The following GALNT17 variants were observed in gnomAD, a reference collection of about 807,000 sequenced individuals.
GALNT17 encodes the protein UDP-GalNAc:polypeptide N-acetylgalactosaminyltransferase-like 3.
A neutral mutation model predicts 63.7 loss-of-function variants in GALNT17; 29 were observed. That is an observed-to-expected ratio of 0.46 (90% CI 0.34 to 0.62). The LOEUF is 0.62. GALNT17 is among the 20% of genes least tolerant of loss of function. GALNT17 has a pLI of 0.01. For missense variants in GALNT17, 603 were observed against 799.6 expected, an observed-to-expected ratio of 0.75 and a Z score of 2.97; for synonymous variants, 305 against 318.3, an observed-to-expected ratio of 0.96 and a Z score of 0.45.
chr7:71,193,148 G>T (rs1221644588), intron 1 of GALNT17, among the ~76,000 whole-genome samples: 2 of 151,552 alleles, frequency 1.3e-5, no homozygotes, highest in South Asian at 2.1e-4. Flanking sequence ...GCCCAGGCTG[G>T]AGTGCAGTGG....
chr7:71,421,951 G>GGA (rs1228720984), intron 5 of GALNT17, among the ~76,000 whole-genome samples: 193 of 87,504 alleles, frequency 2.2e-3, no homozygotes, highest in African/African-American at 8.0e-3. Flanking sequence ...ACTCTGTCTC[G>GGA]AAAAAAAAAA....
chr7:71,515,056 C>T (rs1308260401), intron 5 of GALNT17, among the ~76,000 whole-genome samples: 1 of 152,228 alleles, frequency 6.6e-6, no homozygotes, highest in Non-Finnish European at 1.5e-5. Flanking sequence ...CTTTGCTCCT[C>T]CTTCACCTTT....
chr7:71,600,801 G>A (rs1182536686), intron 6 of GALNT17, among the ~76,000 whole-genome samples: 1 of 151,720 alleles, frequency 6.6e-6, no homozygotes, highest in Non-Finnish European at 1.5e-5. Flanking sequence ...GGGTACAGGT[G>A]GTGTTTGGTT....
intron 6 of GALNT17, among the ~76,000 whole-genome samples, chr7:71,596,788 C>G (rs1347555407): frequency 6.6e-6 from 1 of 151,976 alleles, no homozygotes; most frequent in African/African-American, 2.4e-5. Flanking sequence ...GGGTGGTGAT[C>G]AGGGCCCATC....
intron 2 of GALNT17, among the ~76,000 whole-genome samples, chr7:71,350,686 G>A (rs998222487): frequency 6.6e-6 from 1 of 152,032 alleles, no homozygotes; most frequent in Non-Finnish European, 1.5e-5. Context: ...TTTATACAAG[G>A]GACTTGAGCA....
intron 5 of GALNT17, among the ~76,000 whole-genome samples, chr7:71,543,046 A>AT (rs1358061945): frequency 1.3e-5 from 2 of 151,876 alleles, no homozygotes; most frequent in Non-Finnish European, 2.9e-5. Context: ...TTAAAAAAAA[A>AT]AAAAAAAGCC....
At chr7:71,520,983 C>G (rs1206329650) in intron 5 of GALNT17, among the ~76,000 whole-genome samples, 1 of 152,172 alleles carries the variant, frequency 6.6e-6, no homozygotes, top group Non-Finnish European at 1.5e-5. Context: ...AGTCTTCAGA[C>G]ACTGTCAGAA....
Position 71,292,664 on chromosome 7 carries a change from A to AGT in GALNT17, c.239-42885_239-42884insTG, listed in dbSNP as rs1219231382. ...GAGAGAGAGAGAGACAGAGAGAGAG[A>AGT]GAGAGTGTGTGTGTGTGTGTGTGTG... On this transcript the variant is annotated intron_variant, in intron 1 of 10. Transcript: ENST00000333538. Among the ~76,000 whole-genome samples the AGT allele has an allele frequency of 8.7e-4, 99 of 114,238 alleles. No individual in the cohort carries two copies. In the East Asian group the frequency reaches 0.015, roughly 17 times the overall value. 74.9% of individuals were successfully genotyped at this position (114,238 alleles called of 152,430 possible).
chr7:71,687,492 G>A (rs1041069822), intron 9 of GALNT17, among the ~76,000 whole-genome samples: 4 of 152,162 alleles, frequency 2.6e-5, no homozygotes, highest in Admixed American at 2.0e-4. Context: ...CGGAGCTCAG[G>A]CAACGCAGCC....
intron 9 of GALNT17, among the ~76,000 whole-genome samples, chr7:71,683,759 G>A (rs661406): frequency 0.21 from 31,868 of 152,040 alleles, 3,840 homozygotes; most frequent in Non-Finnish European, 0.28. Flanking sequence ...TGTAATCCCA[G>A]CACTTTGGGA....
chr7:71,504,316 AC>A (rs1396497451), intron 5 of GALNT17, among the ~76,000 whole-genome samples: 1 of 151,898 alleles, frequency 6.6e-6, no homozygotes, highest in African/African-American at 2.4e-5. Context: ...AATTGCTTGA[AC>A]CTGGGTTGCG....
intron 3 of GALNT17, among the ~76,000 whole-genome samples, chr7:71,403,575 A>G (rs1382633484): frequency 6.6e-6 from 1 of 152,186 alleles, no homozygotes; most frequent in Admixed American, 6.5e-5. Context: ...TGCATTAGTA[A>G]CTTAACGTGG....
intron 5 of GALNT17, among the ~76,000 whole-genome samples, chr7:71,463,464 A>G (rs762464353): frequency 1.2e-4 from 19 of 152,080 alleles, no homozygotes; most frequent in Non-Finnish European, 2.2e-4. Context: ...ACCTCAAGAG[A>G]GGGTTCTTGG....
intron 4 of GALNT17, among the ~76,000 whole-genome samples, chr7:71,419,335 C>T (rs1786616409): frequency 6.6e-6 from 1 of 152,136 alleles, no homozygotes; most frequent in Non-Finnish European, 1.5e-5. Context: ...CCTCCCTGGT[C>T]CTCAGTATCC....
intron 1 of GALNT17, among the ~76,000 whole-genome samples, chr7:71,179,482 T>C (rs893293378): frequency 1.3e-5 from 2 of 152,242 alleles, no homozygotes; most frequent in African/African-American, 4.8e-5. Context: ...ATAAACTTTC[T>C]AAATAAACTG....
chr7:71,378,666 C>T (rs1335064742), intron 2 of GALNT17, among the ~76,000 whole-genome samples: 1 of 152,020 alleles, frequency 6.6e-6, no homozygotes, highest in Non-Finnish European at 1.5e-5. Context: ...ATCTGCCAAG[C>T]ATTCTGCCAG....
At chr7:71,395,595 A>G (rs1396799387) in intron 3 of GALNT17, among the ~76,000 whole-genome samples, 1 of 152,180 alleles carries the variant, frequency 6.6e-6, no homozygotes, top group East Asian at 1.9e-4. Flanking sequence ...TTTCTTGGGT[A>G]CATATCTAGG....
At chr7:71,533,912 G>T (rs1240383214) in intron 5 of GALNT17, among the ~76,000 whole-genome samples, 7 of 152,140 alleles carry the variant, frequency 4.6e-5, no homozygotes, top group Admixed American at 2.6e-4. Flanking sequence ...GTCAGCAGGT[G>T]GTCAGATGAG....
At chr7:71,436,921 G>A (rs182721799) in intron 5 of GALNT17, among the ~76,000 whole-genome samples, 15 of 152,158 alleles carry the variant, frequency 9.9e-5, no homozygotes, top group African/African-American at 3.4e-4. Context: ...GATGAATAAC[G>A]TACACTGACA....
Sources: allele counts gnomAD v4.1 joint callset (sites outside exome capture counted in the v4.1 genomes callset), GRCh38; gene constraint gnomAD v4.1.1; transcripts MANE v1.5; gene names NCBI Gene and HGNC (gene_info 2026-07-23, HGNC 2026-07-21).